CCDC171: variants seen among roughly 807,000 people sequenced by gnomAD.
The protein encoded by CCDC171 is coiled-coil domain containing 171, also known as coiled-coil domain-containing protein 171.
CCDC171 carries 177 observed loss-of-function variants against 168.2 expected under a neutral mutation model. That is an observed-to-expected ratio of 1.05 (90% CI 0.93 to 1.19). CCDC171 has a LOEUF of 1.19. CCDC171 is among the 50% of genes most tolerant of loss of function. The pLI, the probability that CCDC171 is intolerant of heterozygous loss-of-function variation, is 0.00. For missense variants in CCDC171, 1,991 were observed against 1,539.0 expected (o/e 1.29, Z -4.91); for synonymous variants, 687 against 540.8 (o/e 1.27, Z -3.75).
intron 18 of CCDC171, among the ~76,000 whole-genome samples, chr9:15,753,695 CCTCTTACAG>C (rs2055910077): frequency 6.6e-6 from 1 of 152,052 alleles, no homozygotes; most frequent in African/African-American, 2.4e-5. Context: ...TCTGGCTGTG[CCTCTTACAG>C]CTAGAGGAAA....
chr9:15,781,805 A>T (rs2057682361), intron 20 of CCDC171, among the ~76,000 whole-genome samples: 2 of 152,192 alleles, frequency 1.3e-5, no homozygotes, highest in South Asian at 4.1e-4. Flanking sequence ...CAGGTATCAG[A>T]CACTGACCCT....
intron 3 of CCDC171, among the ~76,000 whole-genome samples, chr9:15,984,319 C>G (rs565225305): frequency 6.6e-6 from 1 of 151,964 alleles, no homozygotes; most frequent in Admixed American, 6.6e-5. Context: ...TAACTTTGTG[C>G]CGGTAATAGT....
intron 3 of CCDC171, among the ~76,000 whole-genome samples, chr9:16,007,368 C>T (rs1377282631): frequency 6.6e-6 from 1 of 152,012 alleles, no homozygotes; most frequent in Non-Finnish European, 1.5e-5. Flanking sequence ...AAAGTTTTCT[C>T]CCATTCTGTA....
intron 11 of CCDC171, among the ~76,000 whole-genome samples, chr9:15,699,994 G>A (rs571651985): frequency 2.0e-5 from 3 of 152,248 alleles, no homozygotes; most frequent in South Asian, 2.1e-4. Flanking sequence ...AGTGGATCCC[G>A]CACCCGGGCT....
chr9:15,800,715 G>C (rs1472860086), intron 21 of CCDC171, among the ~76,000 whole-genome samples: 1 of 151,940 alleles, frequency 6.6e-6, no homozygotes, highest in African/African-American at 2.4e-5. Flanking sequence ...AGTTTCCCCA[G>C]TGTTTTCTTG....
At chr9:15,935,932 A>G (rs766713552) in intron 25 of CCDC171, among the ~76,000 whole-genome samples, 22 of 152,226 alleles carry the variant, frequency 1.4e-4, no homozygotes, top group Non-Finnish European at 2.5e-4. Flanking sequence ...TAGTTTTACA[A>G]TGGCCTCTGG....
At chr9:15,780,972 A>T (rs1378791017) in intron 20 of CCDC171, among the ~76,000 whole-genome samples, 1 of 152,118 alleles carries the variant, frequency 6.6e-6, no homozygotes, top group African/African-American at 2.4e-5. Flanking sequence ...CTTCTGTATC[A>T]TAGAAATAGT....
chr9:15,995,880 A>G (rs952424881), intron 3 of CCDC171, among the ~76,000 whole-genome samples: 15 of 152,232 alleles, frequency 9.9e-5, no homozygotes, highest in African/African-American at 3.6e-4. Flanking sequence ...GCTATGGGGT[A>G]GATCCACTCT....
chr9:15,773,123 G>A (rs536675031), intron 18 of CCDC171, among the ~76,000 whole-genome samples: 1 of 151,992 alleles, frequency 6.6e-6, no homozygotes, highest in African/African-American at 2.4e-5. Flanking sequence ...CTTTGAGTAT[G>A]AGGACTTCAT....
In CCDC171 at chr9:15,623,475, G is replaced by GCGCGCGCGCGCGCACA; in HGVS notation, c.822+63_822+64insGCGCGCGCGCGCACAC. Reference sequence around the variant, plus strand: ...CAAACTTTCACATATGCGCGCGCGCGCACACACACACACACACACACACAC... The same window carrying GCGCGCGCGCGCGCACA: ...CAAACTTTCACATATGCGCGCGCGCGCGCGCGCGCGCGCACACACACACACACACACACACACACAC... On this transcript the variant is annotated intron_variant, in intron 7 of 25. Transcript: ENST00000380701. The GCGCGCGCGCGCGCACA allele has an allele frequency of 1.2e-4, 39 of 315,462 alleles. 1 individual carries two copies. Among genetic ancestry groups the GCGCGCGCGCGCGCACA allele is most frequent in the Admixed American group, 3.0e-4 (6 of 19,766 alleles). 19.5% of individuals were successfully genotyped at this position (315,462 alleles called of 1,614,324 possible).
intron 11 of CCDC171, among the ~76,000 whole-genome samples, chr9:15,705,120 ACT>A (rs1554769381): frequency 1.3e-5 from 2 of 149,790 alleles, no homozygotes; most frequent in African/African-American, 2.5e-5. Flanking sequence ...ACACACACAC[ACT>A]CTCACTCACT....
intron 24 of CCDC171, among the ~76,000 whole-genome samples, chr9:15,890,663 C>T (rs553084448): frequency 6.6e-6 from 1 of 151,922 alleles, no homozygotes; most frequent in Admixed American, 6.6e-5. Flanking sequence ...AGTTGAAAAT[C>T]AGAAGGCACC....
intron 1 of CCDC171, among the ~76,000 whole-genome samples, chr9:16,049,356 G>A (rs976819162): frequency 6.6e-6 from 1 of 152,160 alleles, no homozygotes; most frequent in African/African-American, 2.4e-5. Flanking sequence ...ACCTGGTAAA[G>A]CATTATTTTG....
chr9:15,565,092 T>C (rs1270002798), intron 2 of CCDC171, among the ~76,000 whole-genome samples: 4 of 149,346 alleles, frequency 2.7e-5, no homozygotes, highest in Admixed American at 2.7e-4. Flanking sequence ...CCCACTTTTT[T>C]TTTTTTTTTT....
At chr9:16,093,758 C>G in the CCDC171 span, among the ~76,000 whole-genome samples, 1 of 152,142 alleles carries the variant, frequency 6.6e-6, no homozygotes, top group Admixed American at 6.5e-5. Context: ...GACAAGCATG[C>G]CAGCTAACCA....
intron 18 of CCDC171, among the ~76,000 whole-genome samples, chr9:15,773,165 C>G (rs1313962869): frequency 6.6e-6 from 1 of 152,136 alleles, no homozygotes; most frequent in Non-Finnish European, 1.5e-5. Flanking sequence ...AGATTGCTCT[C>G]TCTTCCACAT....
intron 23 of CCDC171, among the ~76,000 whole-genome samples, chr9:15,870,113 CTTTA>C (rs1167419650): frequency 9.4e-6 from 1 of 105,878 alleles, no homozygotes; most frequent in Admixed American, 1.2e-4. Context: ...TCTAATAAAA[CTTTA>C]TTTATAATAG....
At chr9:15,664,659 A>C (rs926671858) in intron 8 of CCDC171, among the ~76,000 whole-genome samples, 4 of 144,728 alleles carry the variant, frequency 2.8e-5, no homozygotes, top group African/African-American at 1.0e-4. Context: ...TTGTTTATTC[A>C]TCCTATGGTT....
At chr9:16,061,937 C>T (rs556813993), downstream of CCDC171, among the ~76,000 whole-genome samples, 30 of 152,294 alleles carry the variant, frequency 2.0e-4, no homozygotes, top group East Asian at 5.8e-3. Flanking sequence ...GGTATAAACC[C>T]TCCCACTATG....
Sources: allele counts gnomAD v4.1 joint callset (sites outside exome capture counted in the v4.1 genomes callset), GRCh38; gene constraint gnomAD v4.1.1; transcripts MANE v1.5; gene names NCBI Gene and HGNC (gene_info 2026-07-23, HGNC 2026-07-21).